PAK1: variants seen among roughly 807,000 people sequenced by gnomAD.
PAK1 encodes the protein p21 (RAC1) activated kinase 1.
PAK1 carries 29 observed loss-of-function variants against 67.4 expected under a neutral mutation model. That is an observed-to-expected ratio of 0.43 (90% CI 0.32 to 0.59). The LOEUF is 0.59. PAK1 is among the 20% of genes least tolerant of loss of function. The probability of loss-of-function intolerance (pLI) is 0.07; values close to 1 mark genes in which losing one functional copy is unlikely to be tolerated. For missense variants in PAK1, 337 were observed against 670.7 expected (o/e 0.50, Z 5.50); for synonymous variants, 223 against 237.4 (o/e 0.94, Z 0.56).
At chr11:77,487,028 T>A in the PAK1 span, among the ~76,000 whole-genome samples, 1 of 152,132 alleles carries the variant, frequency 6.6e-6, no homozygotes, top group African/African-American at 2.4e-5. Flanking sequence ...AGCTCATGGC[T>A]CCAGGAGAGA....
At chr11:77,391,399 G>A (rs905638817) in intron 2 of PAK1, among the ~76,000 whole-genome samples, 1 of 152,134 alleles carries the variant, frequency 6.6e-6, no homozygotes, top group Non-Finnish European at 1.5e-5. Context: ...TTTTAAAATA[G>A]GAAACTAAAT....
chr11:77,502,256 C>T, the PAK1 span, among the ~76,000 whole-genome samples: 1 of 152,148 alleles, frequency 6.6e-6, no homozygotes. Flanking sequence ...CCAGGAACTA[C>T]ATATATGTCA....
At chr11:77,478,907 TC>T (rs1958087886), upstream of PAK1, among the ~76,000 whole-genome samples, 1 of 123,642 alleles carries the variant, frequency 8.1e-6, no homozygotes, top group Admixed American at 8.8e-5. Flanking sequence ...AAACCCCGTC[TC>T]CACTAAAAAT....
At chr11:77,408,940 T>C (rs1164555118) in intron 1 of PAK1, among the ~76,000 whole-genome samples, 2 of 152,080 alleles carry the variant, frequency 1.3e-5, no homozygotes, top group East Asian at 1.9e-4. Flanking sequence ...TGTGATATCA[T>C]CTCACTCCAG....
chr11:77,349,186 C>G (rs913213741), intron 9 of PAK1, 53 bp downstream of exon 9: 4 of 1,368,774 alleles, frequency 2.9e-6, no homozygotes, highest in Middle Eastern at 1.8e-4. Flanking sequence ...AAAATTAATC[C>G]CAAATAAAAA....
At chr11:77,510,756 C>G in the PAK1 span, among the ~76,000 whole-genome samples, 11 of 152,204 alleles carry the variant, frequency 7.2e-5, no homozygotes, top group Admixed American at 2.0e-4. Flanking sequence ...AAGCCTCTAT[C>G]TTGCACTGTG....
At chr11:77,481,864 G>A in the PAK1 span, among the ~76,000 whole-genome samples, 3 of 151,996 alleles carry the variant, frequency 2.0e-5, no homozygotes, top group Admixed American at 1.3e-4. Flanking sequence ...TGTTTTACTC[G>A]CTACTATATC....
chr11:77,350,964 A>T (rs189433361), intron 8 of PAK1, among the ~76,000 whole-genome samples: 1 of 152,102 alleles, frequency 6.6e-6, no homozygotes, highest in African/African-American at 2.4e-5. Context: ...GCCTCAGGGG[A>T]CTGTCTCCAT....
intron 1 of PAK1, 106 bp from the exon 2 acceptor site, chr11:77,392,647 G>C (rs1182525128): frequency 1.2e-6 from 1 of 817,196 alleles, no homozygotes; most frequent in Non-Finnish European, 1.9e-6. Flanking sequence ...CCTTCCTTCA[G>C]GGTCTAGCTC....
At chr11:77,341,341 AG>A (rs1943568028) in intron 10 of PAK1, among the ~76,000 whole-genome samples, 1 of 152,242 alleles carries the variant, frequency 6.6e-6, no homozygotes, top group African/African-American at 2.4e-5. Flanking sequence ...TAATGTTTAT[AG>A]GAGCCCCTTA....
chr11:77,341,926 A>T (rs529971283), intron 10 of PAK1, among the ~76,000 whole-genome samples: 1 of 152,348 alleles, frequency 6.6e-6, no homozygotes, highest in Admixed American at 6.5e-5. Flanking sequence ...CTGACTAATA[A>T]ACATGACAGA....
At chr11:77,488,160 T>C in the PAK1 span, among the ~76,000 whole-genome samples, 1 of 152,200 alleles carries the variant, frequency 6.6e-6, no homozygotes, top group African/African-American at 2.4e-5. Context: ...TTCTGCATCT[T>C]ATCGAAGACC....
chr11:77,377,590 G>A (rs1265336009), intron 4 of PAK1, among the ~76,000 whole-genome samples: 1 of 152,174 alleles, frequency 6.6e-6, no homozygotes, highest in Non-Finnish European at 1.5e-5. Flanking sequence ...GTTCGTTCAT[G>A]AATACCTGAG....
chr11:77,464,989 A>AGTGTGTGT lies in PAK1; in HGVS notation c.-22+8555_-22+8562dup, dbSNP rs57578087. Among the ~76,000 whole-genome samples, 26 of 149,004 alleles carry AGTGTGTGT rather than the reference A, an allele frequency of 1.7e-4. No homozygotes were observed. The East Asian group carries it at 2.4e-3, about 14-fold the overall frequency. On this transcript the variant is annotated intron_variant, in intron 1 of 14. Transcript: ENST00000356341. ...TATTGGATTGGTACATACATGAAAG[A>AGTGTGTGT]GTGTGTGTGTGTGTGTGTGTGTGTC...
intron 10 of PAK1, among the ~76,000 whole-genome samples, chr11:77,343,263 TAA>T (rs35680227): frequency 0.44 from 65,548 of 147,686 alleles, 15,543 homozygotes; most frequent in African/African-American, 0.64. Flanking sequence ...CAAGCTTACG[TAA>T]AAAAAAAAAA....
At chr11:77,337,486 T>A (rs1308136519) in intron 11 of PAK1, 63 bp from the exon 12 acceptor site, 1 of 804,530 alleles carries the variant, frequency 1.2e-6, no homozygotes, top group Non-Finnish European at 2.0e-6. Context: ...GAAGACTTAA[T>A]AGAAAATCCA....
upstream of PAK1, chr11:77,474,437 C>G (rs1303991155): frequency 6.6e-6 from 1 of 152,252 alleles, no homozygotes; most frequent in Non-Finnish European, 1.5e-5. Flanking sequence ...TCTCGGTCCG[C>G]TGTCCGTGGC....
chr11:77,352,502 G>A (rs755430146), intron 8 of PAK1, among the ~76,000 whole-genome samples: 9 of 152,060 alleles, frequency 5.9e-5, no homozygotes, highest in Non-Finnish European at 1.2e-4. Flanking sequence ...TAACGTCATA[G>A]CACAATTACT....
At chr11:77,513,806 C>T in the PAK1 span, among the ~76,000 whole-genome samples, 1 of 151,962 alleles carries the variant, frequency 6.6e-6, no homozygotes, top group African/African-American at 2.4e-5. Flanking sequence ...GAAGGAAGGC[C>T]TGCCTGCTAT....
Sources: gnomAD v4.1 joint callset for allele counts (sites outside exome capture counted in the v4.1 genomes callset) on GRCh38, gnomAD v4.1.1 for gene constraint, MANE v1.5 for transcripts, NCBI Gene and HGNC (gene_info 2026-07-23, HGNC 2026-07-21) for gene names.